The following NPSR1 variants were observed in gnomAD, a reference collection of about 807,000 sequenced individuals.
The protein encoded by NPSR1 is neuropeptide S receptor.
NPSR1 carries 48 observed loss-of-function variants against 46.9 expected under a neutral mutation model. That is an observed-to-expected ratio of 1.02 (90% confidence interval 0.81 to 1.30). The LOEUF (loss-of-function observed/expected upper bound fraction) is 1.30. Among genes scored for constraint, NPSR1 ranks in the 50% most tolerant of loss-of-function variants. NPSR1 has a pLI of 0.00. For synonymous variants in NPSR1, 176 were observed against 168.1 expected (o/e 1.05, Z -0.36); for missense variants, 450 against 449.5 (o/e 1.00, Z -0.01).
chr7:34,825,696 A>G (rs543542122), intron 4 of NPSR1, among the ~76,000 whole-genome samples: 22 of 152,288 alleles, frequency 1.4e-4, no homozygotes, highest in African/African-American at 5.1e-4. Flanking sequence ...AGGACCCAGA[A>G]AAGTTCCTCA....
chr7:34,678,379 G>C (rs938280166), intron 1 of NPSR1, among the ~76,000 whole-genome samples: 1 of 151,638 alleles, frequency 6.6e-6, no homozygotes, highest in African/African-American at 2.4e-5. Flanking sequence ...GCACCACCAC[G>C]ACCAGCTAAT....
chr7:34,826,115 G>A (rs1018601458), intron 4 of NPSR1, among the ~76,000 whole-genome samples: 7 of 152,102 alleles, frequency 4.6e-5, no homozygotes, highest in Non-Finnish European at 7.3e-5. Flanking sequence ...GTTTCCAAAT[G>A]CAGGCAGGAA....
intron 2 of NPSR1, among the ~76,000 whole-genome samples, chr7:34,774,524 A>T (rs1786853355): frequency 6.6e-6 from 1 of 152,196 alleles, no homozygotes; most frequent in East Asian, 1.9e-4. Context: ...TTGGTGCCCC[A>T]TTATCAGCTG....
At chr7:34,668,287 A>G (rs1791857723) in intron 1 of NPSR1, among the ~76,000 whole-genome samples, 1 of 152,098 alleles carries the variant, frequency 6.6e-6, no homozygotes, top group Non-Finnish European at 1.5e-5. Context: ...TCTTTCACGT[A>G]TTATTGTAGA....
intron 2 of NPSR1, among the ~76,000 whole-genome samples, chr7:34,693,513 C>CA (rs1376587582): frequency 2.6e-5 from 4 of 151,776 alleles, no homozygotes; most frequent in East Asian, 3.9e-4. Context: ...AATCTTCCAA[C>CA]AAAAAAAATC....
chr7:34,755,735 C>A (rs1238734565), intron 2 of NPSR1, among the ~76,000 whole-genome samples: 1 of 151,820 alleles, frequency 6.6e-6, no homozygotes, highest in Non-Finnish European at 1.5e-5. Context: ...CCTTTAAGGG[C>A]TTTTAAACTA....
In NPSR1 at chr7:34,844,891, T is replaced by C. The variant is rs1186813333; in HGVS notation, c.758-5T>C. 4 of 1,575,884 alleles carry C rather than the reference T, an allele frequency of 2.5e-6. No homozygotes were observed. Among genetic ancestry groups the C allele is most frequent in the Admixed American group, 1.7e-5 (1 of 59,984 alleles). On this transcript the variant is annotated splice_polypyrimidine_tract_variant and splice_region_variant and intron_variant, in intron 6 of 8. Transcript: ENST00000360581. ...CATCTTACTATTCCCCTCTTGTATC[T>C]ACAGATGGGAAACTGTGCAGCAGCT...
At chr7:34,837,337 T>C (rs1361765574) in intron 6 of NPSR1, among the ~76,000 whole-genome samples, 1 of 152,224 alleles carries the variant, frequency 6.6e-6, no homozygotes, top group Non-Finnish European at 1.5e-5. Context: ...CTTCTCTGTA[T>C]AAATGTCATG....
intron 2 of NPSR1, among the ~76,000 whole-genome samples, chr7:34,741,806 G>T (rs183871829): frequency 6.6e-6 from 1 of 152,312 alleles, no homozygotes; most frequent in East Asian, 1.9e-4. Context: ...GGGAAGAGGG[G>T]TGACAAGCAG....
chr7:34,707,609 G>T (rs1794174001), intron 2 of NPSR1, among the ~76,000 whole-genome samples: 1 of 152,174 alleles, frequency 6.6e-6, no homozygotes, highest in African/African-American at 2.4e-5. Context: ...ACCCACAGTG[G>T]ATTTGATTAC....
chr7:34,725,148 C>T (rs58756182), intron 2 of NPSR1, among the ~76,000 whole-genome samples: 1,551 of 152,072 alleles, frequency 0.01, 26 homozygotes, highest in African/African-American at 0.036. Context: ...CACTCACACA[C>T]ACACAGAGCT....
chr7:34,857,060 G>A (rs918639702), intron 8 of NPSR1, among the ~76,000 whole-genome samples: 1 of 151,574 alleles, frequency 6.6e-6, no homozygotes, highest in African/African-American at 2.4e-5. Flanking sequence ...GAAATTCGTA[G>A]GAGTAAATTT....
chr7:34,770,165 A>G (rs1786609763), intron 2 of NPSR1, among the ~76,000 whole-genome samples: 1 of 152,222 alleles, frequency 6.6e-6, no homozygotes, highest in African/African-American at 2.4e-5. Flanking sequence ...AAACAAAATA[A>G]TCTTTCCGTT....
At chr7:34,841,927 G>C (rs6962464) in intron 6 of NPSR1, among the ~76,000 whole-genome samples, 152,333 of 152,336 alleles carry the variant, frequency 1, 76,165 homozygotes, top group Non-Finnish European at 1. Context: ...TTTACTTGCA[G>C]CCCATGGGTA....
At chr7:34,856,163 GA>G (rs534872054) in intron 8 of NPSR1, among the ~76,000 whole-genome samples, 7 of 141,702 alleles carry the variant, frequency 4.9e-5, no homozygotes, top group East Asian at 2.0e-4. Flanking sequence ...AGTAAAACAA[GA>G]AAAAAAAATA....
downstream of NPSR1, among the ~76,000 whole-genome samples, chr7:34,853,265 G>A (rs1057053642): frequency 4.6e-5 from 7 of 152,188 alleles, no homozygotes; most frequent in Non-Finnish European, 8.8e-5. Flanking sequence ...ATCTTTAGCA[G>A]GAAATAAAGT....
intron 7 of NPSR1, among the ~76,000 whole-genome samples, chr7:34,847,401 T>TGA (rs34726687): frequency 2.6e-4 from 38 of 146,738 alleles, no homozygotes; most frequent in East Asian, 9.9e-4. Context: ...CAGAGGAAAA[T>TGA]GAGAGAGAGA....
At chr7:34,799,342 G>A (rs545235790) in intron 3 of NPSR1, among the ~76,000 whole-genome samples, 3 of 151,944 alleles carry the variant, frequency 2.0e-5, no homozygotes, top group East Asian at 1.9e-4. Flanking sequence ...GAAACCAAAA[G>A]CTGTTTCTTT....
At chr7:34,871,598 C>A (rs1380425934) in intron 8 of NPSR1, 1 of 151,786 alleles carries the variant, frequency 6.6e-6, no homozygotes, top group Admixed American at 6.6e-5. Context: ...AAATCAAAGA[C>A]AAGTTATTTG....
Sources: gnomAD v4.1 joint callset for allele counts (sites outside exome capture counted in the v4.1 genomes callset) on GRCh38, gnomAD v4.1.1 for gene constraint, MANE v1.5 for transcripts, NCBI Gene and HGNC (gene_info 2026-07-23, HGNC 2026-07-21) for gene names.